The following MAP3K9 variants were observed in gnomAD, a reference collection of about 807,000 sequenced individuals.
MAP3K9 encodes the protein mitogen-activated protein kinase kinase kinase 9.
A neutral mutation model predicts 95.8 loss-of-function variants in MAP3K9; 46 were observed. That is an observed-to-expected ratio of 0.48 (90% CI 0.38 to 0.61). MAP3K9 has a LOEUF of 0.61. Ranked by LOEUF, MAP3K9 falls within the 20% of genes least tolerant of loss-of-function variation. MAP3K9 has a pLI of 0.00. For synonymous variants in MAP3K9, 533 were observed against 593.8 expected, an observed-to-expected ratio of 0.90 and a Z score of 1.49; for missense variants, 1,296 against 1,474.3, an observed-to-expected ratio of 0.88 and a Z score of 1.98.
intron 11 of MAP3K9, among the ~76,000 whole-genome samples, chr14:70,731,964 G>A (rs1183119411): frequency 6.6e-6 from 1 of 152,170 alleles, no homozygotes; most frequent in Non-Finnish European, 1.5e-5. Flanking sequence ...GTCGAGGGCA[G>A]TCATATGCAC....
At chr14:70,733,584 C>T (rs1212295388) in intron 10 of MAP3K9, among the ~76,000 whole-genome samples, 1 of 152,180 alleles carries the variant, frequency 6.6e-6, no homozygotes, top group African/African-American at 2.4e-5. Flanking sequence ...ATAAAAGATC[C>T]GCTAATTTGC....
chr14:70,764,449 T>TA (rs71105732), intron 2 of MAP3K9, among the ~76,000 whole-genome samples: 47,701 of 150,836 alleles, frequency 0.32, 7,641 homozygotes, highest in Admixed American at 0.35. Context: ...AAATGTATGT[T>TA]AAAAAAAATA....
Position 70,801,222 on chromosome 14 carries a change from A to G in MAP3K9, c.407-142T>C, listed in dbSNP as rs1412475401. The G allele has an allele frequency of 1.5e-5, 11 of 743,638 alleles. No homozygotes were observed. In the South Asian group the frequency reaches 2.0e-4, roughly 13 times the overall value. The allele number at this position is 743,638 out of a possible 1,614,324, so 46.1% of individuals were successfully genotyped here. ...GTCTCCCCATTATAAAGCAAATTCCATAAGGGCAGGAACTGCAATCAACTT... is the reference window on the plus strand; with the variant it reads ...GTCTCCCCATTATAAAGCAAATTCCGTAAGGGCAGGAACTGCAATCAACTT... On this transcript the variant is annotated intron_variant, in intron 1 of 11. Coordinates refer to ENST00000554752, the MANE Select transcript of MAP3K9 (RefSeq NM_001284230.2).
Position 70,798,471 on chromosome 14 carries a change from GTTTTT to G in MAP3K9, c.820+2191_820+2195del, listed in dbSNP as rs1170327816. On this transcript the variant is annotated intron_variant, in intron 2 of 11. Coordinates refer to ENST00000554752, the MANE Select transcript of MAP3K9 (RefSeq NM_001284230.2). ...TTACTTTGAAAAGAGGTCACCAAAA[GTTTTT>G]TTTTTTTTTTTTTTTTTTTTGAGAC... is the stretch of plus-strand genomic sequence containing the variant. Among the ~76,000 whole-genome samples the G allele has an allele frequency of 9.0e-4, 59 of 65,430 alleles. No homozygotes were observed. The South Asian group carries it at 0.021, about 23-fold the overall frequency. The allele number at this position is 65,430 out of a possible 152,430, so 42.9% of individuals were successfully genotyped here.
Position 70,740,066 on chromosome 14 carries a change from T to A in MAP3K9, c.1666A>T (p.Ile556Phe), listed in dbSNP as rs769145256. The change falls in exon 7 of 12, where the codon ATT (isoleucine) becomes TTT (phenylalanine). Residue 556 changes from isoleucine (I) to phenylalanine (F), a missense_variant. This residue lies in a region of MAP3K9 where 377 missense variants were observed against 417.1 expected (regional missense o/e 0.90). Transcript: ENST00000554752. Reference protein sequence around the residue: ...RSSPPASPTIIPRLRAIQLTP... With the variant: ...RSSPPASPTIFPRLRAIQLTP... ...CACTGGATGGCTCGAAGGCGAGGAATGATGGTGGGGCTTGCAGGAGGACTG... is the reference window on the plus strand; with the variant it reads ...CACTGGATGGCTCGAAGGCGAGGAAAGATGGTGGGGCTTGCAGGAGGACTG... 5.6e-6 allele frequency: 9 copies of A among 1,613,952 alleles called. No homozygotes were observed. In the Admixed American group the frequency reaches 1.3e-4, roughly 24 times the overall value.
At chr14:70,790,572 T>A (rs1342588896) in intron 2 of MAP3K9, among the ~76,000 whole-genome samples, 3 of 152,210 alleles carry the variant, frequency 2.0e-5, no homozygotes, top group Non-Finnish European at 4.4e-5. Flanking sequence ...TTATCTGTAA[T>A]GATATTGATT....
chr14:70,761,180 A>G lies in MAP3K9; in HGVS notation c.823T>C (p.Leu275=). ...IHRDLKSSNI[L]ILQKVENGDL... is the part of the protein sequence containing the mutation. ...CCATTCTCCACCTTCTGGAGGATCA[A>G]TACTAGGCAAGGAAAAGAATACAGA... Residue 275 remains leucine, a splice_region_variant and synonymous_variant, in exon 3 of 12, where the codon TTG becomes CTG. Transcript: ENST00000554752. 6.2e-7 allele frequency: 1 copy of G among 1,611,456 alleles called. No individual in the cohort carries two copies. Among genetic ancestry groups the G allele is most frequent in the Non-Finnish European group, 8.5e-7 (1 of 1,178,584 alleles).
intron 2 of MAP3K9, among the ~76,000 whole-genome samples, chr14:70,780,570 G>A (rs1286681321): frequency 2.6e-5 from 4 of 152,230 alleles, no homozygotes; most frequent in South Asian, 2.1e-4. Context: ...TTCAAAAGGC[G>A]TCAACTTGGA....
chr14:70,727,412 T>C lies in MAP3K9; in HGVS notation c.*2968A>G, dbSNP rs150547160. 9.2e-5 allele frequency: 14 copies of C among 152,336 alleles called. No homozygotes were observed. The East Asian group carries it at 2.7e-3, about 29-fold the overall frequency. 9.4% of individuals were successfully genotyped at this position (152,336 alleles called of 1,614,324 possible). ...GGGCAGAGAGCAGTATCTGTTCCTA[T>C]TACCATCTTCCATGAAGTTAGCACC... On this transcript the variant is annotated 3_prime_UTR_variant, in exon 12 of 12. Coordinates refer to ENST00000554752, the MANE Select transcript of MAP3K9 (RefSeq NM_001284230.2).
intron 11 of MAP3K9, 37 bp downstream of exon 11, chr14:70,732,502 A>T (rs369339567): frequency 1.3e-6 from 2 of 1,512,834 alleles, no homozygotes; most frequent in Middle Eastern, 1.8e-4. Flanking sequence ...CTGAGGAGGC[A>T]CAAAGAAAGG....
chr14:70,749,101 C>T (rs1280080670), intron 4 of MAP3K9, 97 bp from the exon 5 acceptor site: 18 of 1,192,158 alleles, frequency 1.5e-5, no homozygotes, highest in African/African-American at 3.1e-5. Flanking sequence ...AGAAAACTAC[C>T]TCTTACTTCT....
chr14:70,772,458 T>G (rs1394918874), intron 2 of MAP3K9, among the ~76,000 whole-genome samples: 3 of 152,214 alleles, frequency 2.0e-5, no homozygotes, highest in African/African-American at 4.8e-5. Flanking sequence ...GGTCTCCCTT[T>G]CTATGCCTAT....
intron 2 of MAP3K9, among the ~76,000 whole-genome samples, chr14:70,768,754 T>C (rs978972731): frequency 1.3e-5 from 2 of 152,122 alleles, no homozygotes; most frequent in Admixed American, 1.3e-4. Flanking sequence ...ACTCTCCCAT[T>C]AGGTCCTAAT....
intron 3 of MAP3K9, among the ~76,000 whole-genome samples, chr14:70,758,260 T>C (rs376223406): frequency 2.0e-5 from 3 of 152,288 alleles, no homozygotes; most frequent in East Asian, 3.9e-4. Context: ...AGAGATATAA[T>C]TGGCCAATAA....
intron 2 of MAP3K9, among the ~76,000 whole-genome samples, chr14:70,787,119 T>C (rs947504020): frequency 6.6e-6 from 1 of 152,120 alleles, no homozygotes. Context: ...AACTATTTTT[T>C]TTTCCTTTTT....
chr14:70,797,186 C>G (rs1255561764), intron 2 of MAP3K9, among the ~76,000 whole-genome samples: 1 of 152,126 alleles, frequency 6.6e-6, no homozygotes, highest in Non-Finnish European at 1.5e-5. Context: ...CTCGAATGGT[C>G]AAAGTCAACT....
chr14:70,788,944 G>A (rs1453246057), intron 2 of MAP3K9, among the ~76,000 whole-genome samples: 1 of 152,148 alleles, frequency 6.6e-6, no homozygotes, highest in Non-Finnish European at 1.5e-5. Context: ...GTTGACATAG[G>A]GAGGCCAGGA....
At chr14:70,758,674 A>G (rs1052475286) in intron 3 of MAP3K9, among the ~76,000 whole-genome samples, 3 of 152,382 alleles carry the variant, frequency 2.0e-5, no homozygotes, top group African/African-American at 7.2e-5. Context: ...CAACTGATAA[A>G]TGGATAAACA....
At chr14:70,788,376 G>A (rs2054770266) in intron 2 of MAP3K9, among the ~76,000 whole-genome samples, 1 of 152,208 alleles carries the variant, frequency 6.6e-6, no homozygotes, top group South Asian at 2.1e-4. Context: ...TTACGTGCCA[G>A]GCACTCCTAA....
Sources: allele counts gnomAD v4.1 joint callset (sites outside exome capture counted in the v4.1 genomes callset), GRCh38; gene constraint gnomAD v4.1.1; regional missense constraint gnomAD v4.1.1; transcripts MANE v1.5; gene names NCBI Gene and HGNC (gene_info 2026-07-23, HGNC 2026-07-21).